Variants in TRIM2 observed in about 807,000 individuals in gnomAD.
The protein encoded by TRIM2 is tripartite motif-containing protein 2.
Under a neutral mutation model 75.2 loss-of-function variants are expected in TRIM2, and 20 were observed. The observed-to-expected ratio is 0.27, with a 90% CI of 0.19 to 0.39. The LOEUF is 0.39. TRIM2 is among the 10% of genes least tolerant of loss of function. The pLI is 1.00. For synonymous variants in TRIM2, 373 were observed against 388.3 expected (o/e 0.96, Z 0.46); for missense variants, 660 against 990.8 (o/e 0.67, Z 4.48).
chr4:153,298,389 G>C (rs1462529121), intron 6 of TRIM2, among the ~76,000 whole-genome samples: 1 of 152,164 alleles, frequency 6.6e-6, no homozygotes, highest in Admixed American at 6.5e-5. Flanking sequence ...GGTTTCCTCT[G>C]AGGCCTCTGT....
chr4:153,299,501 C>T (rs1763432796), intron 6 of TRIM2, among the ~76,000 whole-genome samples: 1 of 152,148 alleles, frequency 6.6e-6, no homozygotes, highest in South Asian at 2.1e-4. Context: ...ATGCAGATAT[C>T]TCTTTGACAT....
chr4:153,156,476 A>G (rs990503099), intron 1 of TRIM2, among the ~76,000 whole-genome samples: 3 of 152,044 alleles, frequency 2.0e-5, no homozygotes, highest in Non-Finnish European at 4.4e-5. Flanking sequence ...CCTCCCCCAC[A>G]TCCGCCACTC....
chr4:153,235,223 A>G (rs1323676083), intron 1 of TRIM2, among the ~76,000 whole-genome samples: 2 of 152,098 alleles, frequency 1.3e-5, no homozygotes. Context: ...TTTCTGAAGC[A>G]CTCAAAGTCA....
chr4:153,236,368 T>C lies in TRIM2; in HGVS notation c.30+31808T>C, dbSNP rs559694669. ...TACCATGGAAAACTAGGCTCCTTAC[T>C]CCCTCACTGTGCCCCATACCTCATT... On this transcript the variant is annotated intron_variant, in intron 1 of 11. Coordinates refer to ENST00000338700, the MANE Select transcript of TRIM2 (RefSeq NM_015271.5). Among the ~76,000 whole-genome samples the C allele has an allele frequency of 1.2e-4, 18 of 152,224 alleles. No individual in the cohort carries two copies. In the South Asian group the frequency reaches 3.7e-3, roughly 32 times the overall value.
chr4:153,268,072 T>C (rs1338295089), intron 1 of TRIM2, among the ~76,000 whole-genome samples: 2 of 152,214 alleles, frequency 1.3e-5, no homozygotes, highest in Non-Finnish European at 2.9e-5. Context: ...CGAGGTTTTC[T>C]TGCTGCCTTC....
intron 1 of TRIM2, among the ~76,000 whole-genome samples, chr4:153,195,686 G>A (rs1287430465): frequency 6.6e-6 from 1 of 152,192 alleles, no homozygotes; most frequent in Non-Finnish European, 1.5e-5. Context: ...TGTTGCTACT[G>A]TCCTTAGTTC....
Position 153,324,315 on chromosome 4 carries a change from G to A in TRIM2, c.2022+167G>A, listed in dbSNP as rs540336676. 1.2e-4 allele frequency: 55 copies of A among 472,514 alleles called. No homozygotes were observed. In the South Asian group the frequency reaches 1.5e-3, roughly 13 times the overall value. The allele number at this position is 472,514 out of a possible 1,614,324, so 29.3% of individuals were successfully genotyped here. Reference sequence around the variant, plus strand: ...GTTTTAACTTGGACTTACAGACCTTGGAAAGTCAGGAAATTGAATAAAATG... The same window carrying A: ...GTTTTAACTTGGACTTACAGACCTTAGAAAGTCAGGAAATTGAATAAAATG... On this transcript the variant is annotated intron_variant, in intron 10 of 11. Transcript: ENST00000338700.
At chr4:153,186,324 T>C (rs1303917646) in intron 1 of TRIM2, among the ~76,000 whole-genome samples, 4 of 152,172 alleles carry the variant, frequency 2.6e-5, no homozygotes, top group Non-Finnish European at 5.9e-5. Flanking sequence ...CATTCTGTGA[T>C]TTGGTGAAGC....
chr4:153,202,324 A>G (rs1032539583), upstream of TRIM2, among the ~76,000 whole-genome samples: 1 of 152,234 alleles, frequency 6.6e-6, no homozygotes, highest in African/African-American at 2.4e-5. Context: ...CACAGTTTGT[A>G]TGCCTATAAT....
intron 3 of TRIM2, among the ~76,000 whole-genome samples, chr4:153,282,456 G>A (rs1049411066): frequency 6.6e-6 from 1 of 152,144 alleles, no homozygotes; most frequent in Non-Finnish European, 1.5e-5. Flanking sequence ...ACTTTGGGAG[G>A]CCAAGGCAGG....
chr4:153,265,251 T>C (rs1754651525), intron 1 of TRIM2, among the ~76,000 whole-genome samples: 1 of 152,098 alleles, frequency 6.6e-6, no homozygotes, highest in African/African-American at 2.4e-5. Context: ...AAGGGTACTA[T>C]GAAAAATTTC....
intron 1 of TRIM2, among the ~76,000 whole-genome samples, chr4:153,179,245 TTAAG>T (rs1731791592): frequency 6.6e-6 from 1 of 150,814 alleles, no homozygotes; most frequent in African/African-American, 2.4e-5. Flanking sequence ...ATAAATAATG[TTAAG>T]TAAATACCTA....
At chr4:153,320,710 G>T (rs1768748799) in intron 8 of TRIM2, among the ~76,000 whole-genome samples, 1 of 152,226 alleles carries the variant, frequency 6.6e-6, no homozygotes, top group Middle Eastern at 3.4e-3. Context: ...TTGGCTAACT[G>T]CAACCTTCAT....
chr4:153,245,140 C>T (rs1012437504), intron 1 of TRIM2, among the ~76,000 whole-genome samples: 1 of 152,240 alleles, frequency 6.6e-6, no homozygotes, highest in African/African-American at 2.4e-5. Flanking sequence ...AGCTTGCCTC[C>T]ACCTACAAAA....
Position 153,324,119 on chromosome 4 carries a change from A to T in TRIM2, c.1993A>T (p.Ile665Phe). Residue 665 changes from isoleucine (I) to phenylalanine (F), a missense_variant, in exon 10 of 12, where the codon ATT (isoleucine) becomes TTT (phenylalanine). Around this residue, in one of 2 missense-constraint regions of TRIM2, gnomAD observed 620 missense variants for 891.0 expected, o/e 0.70. Coordinates refer to ENST00000338700, the MANE Select transcript of TRIM2 (RefSeq NM_015271.5). ...AAVNSNNEII[I>F]TDFHNHSVKV... ...TGTAAATAGCAATAATGAGATTATT[A>T]TTACAGATTTCCATAATCATTCTGT... 1 of 1,612,494 alleles carries T rather than the reference A, an allele frequency of 6.2e-7. No homozygotes were observed. Among genetic ancestry groups the T allele is most frequent in the Non-Finnish European group, 8.5e-7 (1 of 1,179,568 alleles).
At chr4:153,326,664 C>T (rs1433573450) in intron 10 of TRIM2, among the ~76,000 whole-genome samples, 1 of 152,156 alleles carries the variant, frequency 6.6e-6, no homozygotes, top group Admixed American at 6.6e-5. Flanking sequence ...TTGGATTATG[C>T]CCAGGAAAAC....
intron 1 of TRIM2, among the ~76,000 whole-genome samples, chr4:153,221,691 T>TGGAG (rs1012405634): frequency 2.3e-5 from 3 of 130,438 alleles, no homozygotes; most frequent in African/African-American, 2.9e-5. Context: ...GAAGGAAGGA[T>TGGAG]GGAGGGAGGA....
At chr4:153,269,054 A>G (rs985930823) in intron 1 of TRIM2, among the ~76,000 whole-genome samples, 2 of 152,242 alleles carry the variant, frequency 1.3e-5, no homozygotes, top group African/African-American at 2.4e-5. Flanking sequence ...TATTAATAGC[A>G]TGTAGGGGAG....
At chr4:153,204,582 G>A (rs914477247) in intron 1 of TRIM2, 22 bp downstream of exon 1, 6 of 1,551,666 alleles carry the variant, frequency 3.9e-6, no homozygotes, top group Non-Finnish European at 5.2e-6. Context: ...TCTCAATGTG[G>A]GATAATTCTT....
Sources: gnomAD v4.1 joint callset for allele counts (sites outside exome capture counted in the v4.1 genomes callset) on GRCh38, gnomAD v4.1.1 for gene constraint, gnomAD v4.1.1 regional missense constraint, MANE v1.5 for transcripts, NCBI Gene and HGNC (gene_info 2026-07-23, HGNC 2026-07-21) for gene names.